The following SLX4 variants were observed in gnomAD, a reference collection of about 807,000 sequenced individuals.
SLX4 encodes SLX4 structure-specific endonuclease subunit.
SLX4 carries 112 observed loss-of-function variants against 146.2 expected under a neutral mutation model. The observed-to-expected ratio is 0.77, with a 90% CI of 0.66 to 0.90. The LOEUF (loss-of-function observed/expected upper bound fraction) is 0.90. SLX4 is among the 40% of genes least tolerant of loss of function. The pLI, the probability that SLX4 is intolerant of heterozygous loss-of-function variation, is 0.00. For synonymous variants in SLX4, 1,061 were observed against 997.7 expected (o/e 1.06, Z -1.20); for missense variants, 2,563 against 2,392.7 (o/e 1.07, Z -1.49).
At chr16:3,592,553 T>C in intron 11 of SLX4, 146 bp downstream of exon 11, 1 of 1,005,228 alleles carries the variant, frequency 9.9e-7, no homozygotes, top group Non-Finnish European at 1.5e-6. Context: ...GGGTCATCAC[T>C]GGTCATGGAC....
intron 12 of SLX4, 136 bp from the exon 13 acceptor site, chr16:3,585,007 T>A (rs1596516936): frequency 1.4e-6 from 1 of 736,514 alleles, no homozygotes; most frequent in East Asian, 2.6e-5. Flanking sequence ...AAAGCAACAG[T>A]GGTCACCCCT....
intron 12 of SLX4, 21 bp downstream of exon 12, chr16:3,588,981 C>T (rs1419831593): frequency 1.2e-6 from 2 of 1,613,854 alleles, no homozygotes; most frequent in Non-Finnish European, 1.7e-6. Flanking sequence ...GTCCCCTTCC[C>T]CAGCTCTCCT....
rs2040543293 is a variant in SLX4 at position 3,589,168 on chromosome 16, C to T, written c.4470G>A (p.Glu1490=). 6.2e-7 allele frequency: 1 copy of T among 1,614,152 alleles called. No homozygotes were observed. Reference sequence around the variant, plus strand: ...CCAGGGAGCCCGCGCCCGAGGACTTCTCTTGCAATTTCCTCTGGGTAGTGC... The same window carrying T: ...CCAGGGAGCCCGCGCCCGAGGACTTTTCTTGCAATTTCCTCTGGGTAGTGC... The part of the protein sequence containing the change: ...GSCTTQRKLQ[E]KSSGAGSLGN... The change falls in exon 12 of 15, where the codon GAG becomes GAA. Residue 1490 remains glutamate, a synonymous_variant. Coordinates refer to ENST00000294008, the MANE Select transcript of SLX4 (RefSeq NM_032444.4). The surrounding 1 kb of genome is among the most constrained non-coding windows in gnomAD (Gnocchi z 6.2).
intron 3 of SLX4, among the ~76,000 whole-genome samples, chr16:3,604,415 C>A (rs976349580): frequency 1.3e-5 from 2 of 151,964 alleles, no homozygotes; most frequent in Admixed American, 6.6e-5. Context: ...TTGAACTGGA[C>A]GCCAGGCACT....
At chr16:3,583,592 T>A (rs2040470206) in intron 13 of SLX4, 82 bp from the exon 14 acceptor site, 1 of 1,469,674 alleles carries the variant, frequency 6.8e-7, no homozygotes, top group Admixed American at 1.7e-5. Context: ...CAAAGAGTGA[T>A]ACCCAATGCA....
In SLX4 at chr16:3,597,430, G is replaced by A. The variant is rs2040673989; in HGVS notation, c.1632C>T (p.Asp544=). The change falls in exon 7 of 15, where the codon GAC becomes GAT. Residue 544 remains aspartate (D), a synonymous_variant. Transcript: ENST00000294008. The surrounding 1 kb of genome is among the most constrained non-coding windows in gnomAD (Gnocchi z 4.4). ...GAGGGACCAGCCTGGCCGTGTAGAA[G>A]TCCTCCATGGCCCAGGCCCCAGTCA... ...SALTGAWAME[D]FYTARLVPPL... The A allele has an allele frequency of 6.2e-7, 1 of 1,607,918 alleles. No homozygotes were observed. Among genetic ancestry groups the A allele is most frequent in the Non-Finnish European group, 8.5e-7 (1 of 1,177,450 alleles).
chr16:3,605,665 A>C lies in SLX4; in HGVS notation c.760+809T>G, dbSNP rs141253976. ...AAAAGTCATAATTTTTAAAAAAAGG[A>C]GGCCAGGCACAGTGGCTCACGCCTG... On this transcript the variant is annotated intron_variant, in intron 3 of 14. Transcript: ENST00000294008. 7.9e-3 allele frequency among the ~76,000 whole-genome samples: 1,194 copies of C among 152,000 alleles called. 15 individuals carry two copies. Among genetic ancestry groups the C allele is most frequent in the African/African-American group, 0.021 (856 of 41,492 alleles).
chr16:3,583,137 T>A lies in SLX4; in HGVS notation c.5113A>T (p.Thr1705Ser), dbSNP rs1399200397. The change falls in exon 14 of 15, where the codon ACC becomes TCC. Residue 1705 changes from threonine (T) to serine (S), a missense_variant. Thr to Ser is a moderately conservative substitution (Grantham distance 58, BLOSUM62 1). Transcript: ENST00000294008. ...GAGCTGTCACTGCCATCCACAGAGG[T>A]GGCCACGGATTCTTGAGAGGCTGGG... ...QIPASQESVA[T>S]SVDGSDSSLS... The A allele has an allele frequency of 6.2e-7, 1 of 1,614,206 alleles. No homozygotes were observed. The highest frequency in any genetic ancestry group is 1.7e-5 in the Admixed American group (1 of 60,018).
intron 3 of SLX4, among the ~76,000 whole-genome samples, chr16:3,604,574 G>C (rs1162720589): frequency 2.6e-5 from 4 of 152,084 alleles, no homozygotes; most frequent in Admixed American, 6.6e-5. Context: ...TGTAATCCCA[G>C]CACTTTGGGA....
chr16:3,600,884 C>G, intron 5 of SLX4, 95 bp downstream of exon 5: 1 of 1,352,220 alleles, frequency 7.4e-7, no homozygotes, highest in Non-Finnish European at 1.0e-6. Context: ...GTGTGAACTA[C>G]TGCGTCCAGC....
intron 1 of SLX4, among the ~76,000 whole-genome samples, chr16:3,610,882 G>A (rs1202686174): frequency 6.6e-6 from 1 of 152,200 alleles, no homozygotes; most frequent in Non-Finnish European, 1.5e-5. Context: ...GAAAGGATTG[G>A]CTCACAAGGG....
At chr16:3,587,429 G>A (rs947717039) in intron 12 of SLX4, among the ~76,000 whole-genome samples, 1 of 152,180 alleles carries the variant, frequency 6.6e-6, no homozygotes, top group African/African-American at 2.4e-5. Flanking sequence ...CCGAGAGGTG[G>A]AGGTTGCAGT....
Position 3,597,344 on chromosome 16 carries a change from A to G in SLX4, c.1683+35T>C. ...GTTCTGGGATTGCCAACCTCCCCCA[A>G]AAGCCTATCCATGTGCCTGAGGGGA... On this transcript the variant is annotated intron_variant, in intron 7 of 14. Transcript: ENST00000294008. This position sits in a 1 kb window ranked among gnomAD's most constrained non-coding sequence, Gnocchi z 4.4. 6.7e-7 allele frequency: 1 copy of G among 1,489,496 alleles called. No individual in the cohort carries two copies. Among genetic ancestry groups the G allele is most frequent in the South Asian group, 1.4e-5 (1 of 73,950 alleles). The allele number at this position is 1,489,496 out of a possible 1,614,324, so 92.3% of individuals were successfully genotyped here. A position where few individuals can be genotyped will look rare whatever the true frequency, so the allele number is the denominator to read the frequency against.
chr16:3,596,324 G>T lies in SLX4; in HGVS notation c.1753C>A (p.Pro585Thr). 6.3e-7 allele frequency: 1 copy of T among 1,585,698 alleles called. No homozygotes were observed. Among genetic ancestry groups the T allele is most frequent in the Non-Finnish European group, 8.6e-7 (1 of 1,166,638 alleles). The change falls in exon 8 of 15, where the codon CCC becomes ACC. Residue 585 changes from proline (P) to threonine (T), a missense_variant. Physicochemically the swap from Pro to Thr is conservative, Grantham distance 38 (BLOSUM62 -1). Coordinates refer to ENST00000294008, the MANE Select transcript of SLX4 (RefSeq NM_032444.4). ...EHSELSERRS[P>T]ALHGTPTAGC... ...GCAGTGGGGGTGCCGTGGAGAGCGG[G>T]TGACCTTCGCTCGCTCAGCTCTGAG...
At chr16:3,605,842 G>C (rs2040775577) in intron 3 of SLX4, among the ~76,000 whole-genome samples, 1 of 151,028 alleles carries the variant, frequency 6.6e-6, no homozygotes, top group Non-Finnish European at 1.5e-5. Context: ...AGCTACTCGG[G>C]AGGCTGAGGC....
At chr16:3,583,057 A>AT (rs762561686) in intron 14 of SLX4, 40 bp downstream of exon 14, 6 of 1,612,248 alleles carry the variant, frequency 3.7e-6, no homozygotes. Flanking sequence ...GGGCCAGAGG[A>AT]TACATGAGGC....
chr16:3,603,733 C>T (rs79121353), intron 3 of SLX4, among the ~76,000 whole-genome samples: 6 of 152,208 alleles, frequency 3.9e-5, no homozygotes, highest in African/African-American at 1.4e-4. Context: ...GGCATTATTA[C>T]GCTTATTGGG....
chr16:3,608,230 C>T (rs2040808258), intron 2 of SLX4, among the ~76,000 whole-genome samples, 200 bp downstream of exon 2: 1 of 152,198 alleles, frequency 6.6e-6, no homozygotes. Flanking sequence ...ATGTGGCTGG[C>T]TGCCTGTTTT....
Position 3,609,923 on chromosome 16 carries a change from G to A in SLX4, c.-602-357C>T, listed in dbSNP as rs141347857. ...TCTCCTACACTGATCTAAGACCCCT[G>A]GCTGTTAAAGAGGCTCTTTCTGTAA... On this transcript the variant is annotated intron_variant, in intron 1 of 14. Transcript: ENST00000294008. 5.4e-4 allele frequency among the ~76,000 whole-genome samples: 83 copies of A among 152,310 alleles called. No individual in the cohort carries two copies. In the East Asian group the frequency reaches 0.014, roughly 26 times the overall value.
Sources: allele counts gnomAD v4.1 joint callset (sites outside exome capture counted in the v4.1 genomes callset), GRCh38; gene constraint gnomAD v4.1.1; non-coding constraint Gnocchi (gnomAD v3.1); transcripts MANE v1.5; gene names NCBI Gene and HGNC (gene_info 2026-07-23, HGNC 2026-07-21).